The following KLRG1 variants were observed in gnomAD, a reference collection of about 807,000 sequenced individuals.
KLRG1 encodes killer cell lectin like receptor G1.
In KLRG1, 16 loss-of-function variants were observed where a neutral mutation model predicts 21.8. That is an observed-to-expected ratio of 0.73 (90% CI 0.50 to 1.11). The LOEUF (loss-of-function observed/expected upper bound fraction) is 1.11, where lower values mean the gene tolerates loss of function less well. Among genes scored for constraint, KLRG1 ranks in the 50% most tolerant of loss-of-function variants. The pLI is 0.00. For missense variants in KLRG1, 173 were observed against 218.3 expected, an observed-to-expected ratio of 0.79 and a Z score of 1.31; for synonymous variants, 69 against 75.9, an observed-to-expected ratio of 0.91 and a Z score of 0.47.
At chr12:9,017,835 G>A in the KLRG1 span, among the ~76,000 whole-genome samples, 5 of 152,196 alleles carry the variant, frequency 3.3e-5, no homozygotes, top group South Asian at 4.1e-4. Context: ...ATTCTTGTTT[G>A]TAGATGATGT....
intron 3 of KLRG1, among the ~76,000 whole-genome samples, chr12:9,003,507 A>G (rs1261426829): frequency 1.3e-5 from 2 of 151,948 alleles, no homozygotes; most frequent in African/African-American, 2.4e-5. Context: ...CCTAATTTAA[A>G]TAATTCTTTA....
the KLRG1 span, among the ~76,000 whole-genome samples, chr12:9,107,165 C>G: frequency 6.6e-6 from 1 of 152,164 alleles, no homozygotes; most frequent in Admixed American, 6.5e-5. Flanking sequence ...TGTCAACTCT[C>G]TGGCATCTTG....
the KLRG1 span, chr12:9,159,897 T>C: frequency 3.3e-6 from 5 of 1,524,262 alleles, no homozygotes; most frequent in African/African-American, 4.1e-5. Flanking sequence ...GTGCACGTTC[T>C]GAACTCATAG....
chr12:9,062,548 A>C, the KLRG1 span, among the ~76,000 whole-genome samples: 1 of 147,300 alleles, frequency 6.8e-6, no homozygotes, highest in African/African-American at 2.5e-5. Context: ...TTTATATCAG[A>C]TATATTATAC....
At chr12:9,183,198 A>C in the KLRG1 span, among the ~76,000 whole-genome samples, 1 of 152,234 alleles carries the variant, frequency 6.6e-6, no homozygotes, top group African/African-American at 2.4e-5. Flanking sequence ...AAGGCTAGCT[A>C]TCTAACACAC....
the KLRG1 span, among the ~76,000 whole-genome samples, chr12:9,057,232 T>C: frequency 2.0e-5 from 3 of 152,230 alleles, no homozygotes; most frequent in African/African-American, 7.2e-5. Context: ...CCCTTGTTGC[T>C]ACTATCTCAA....
chr12:9,010,171 G>A lies in KLRG1; in HGVS notation c.*634G>A. 1 of 519,854 alleles carries A rather than the reference G, an allele frequency of 1.9e-6. No individual in the cohort carries two copies. Among genetic ancestry groups the A allele is most frequent in the Non-Finnish European group, 3.3e-6 (1 of 300,326 alleles). 32.2% of individuals were successfully genotyped at this position (519,854 alleles called of 1,614,324 possible). On this transcript the variant is annotated 3_prime_UTR_variant, in exon 5 of 5. Coordinates refer to ENST00000356986, the MANE Select transcript of KLRG1 (RefSeq NM_005810.4). Reference sequence around the variant, plus strand: ...ACTGTACTCCAGCCTGGGAGATAGAGCAAGACTCCATCTCTAAAAAAAAAA... The same window carrying A: ...ACTGTACTCCAGCCTGGGAGATAGAACAAGACTCCATCTCTAAAAAAAAAA...
At chr12:9,179,288 T>G in the KLRG1 span, among the ~76,000 whole-genome samples, 168 of 152,336 alleles carry the variant, frequency 1.1e-3, no homozygotes, top group African/African-American at 3.8e-3. Flanking sequence ...TTTATTTTGC[T>G]GATCCACCTA....
At chr12:8,969,689 A>T (rs747451634) in intron 1 of KLRG1, among the ~76,000 whole-genome samples, 1 of 152,212 alleles carries the variant, frequency 6.6e-6, no homozygotes, top group Non-Finnish European at 1.5e-5. Flanking sequence ...AGAGAAAATG[A>T]AGCCAAAATC....
At chr12:8,989,841 T>C in intron 1 of KLRG1, 124 bp downstream of exon 1, 1 of 627,992 alleles carries the variant, frequency 1.6e-6, no homozygotes, top group South Asian at 2.0e-5. Flanking sequence ...GGAAATACTT[T>C]TGGTTCAGTT....
At chr12:8,972,094 G>A (rs1592246146) in intron 1 of KLRG1, among the ~76,000 whole-genome samples, 1 of 151,360 alleles carries the variant, frequency 6.6e-6, no homozygotes, top group East Asian at 1.9e-4. Flanking sequence ...CCAATGTCAA[G>A]AAGATTTCCC....
chr12:9,085,727 T>A, the KLRG1 span, among the ~76,000 whole-genome samples: 1 of 151,788 alleles, frequency 6.6e-6, no homozygotes, highest in African/African-American at 2.4e-5. Context: ...ATTGTTTTTT[T>A]AAAAAGACAG....
chr12:9,192,546 A>AT, the KLRG1 span: 1 of 1,614,140 alleles, frequency 6.2e-7, no homozygotes, highest in Non-Finnish European at 8.5e-7. Flanking sequence ...TAACTCTCCC[A>AT]TGGCCTGTCT....
chr12:9,150,577 A>G, the KLRG1 span: 1 of 1,059,938 alleles, frequency 9.4e-7, no homozygotes, highest in Non-Finnish European at 1.4e-6. Context: ...TAAGAAGAGG[A>G]TCAACTGTCA....
the KLRG1 span, among the ~76,000 whole-genome samples, chr12:9,042,843 A>G: frequency 6.6e-6 from 1 of 152,186 alleles, no homozygotes; most frequent in Non-Finnish European, 1.5e-5. Flanking sequence ...AAGATAACTT[A>G]AAAGGAAGAT....
At chr12:9,108,405 C>T in the KLRG1 span, among the ~76,000 whole-genome samples, 1 of 152,154 alleles carries the variant, frequency 6.6e-6, no homozygotes, top group South Asian at 2.1e-4. Flanking sequence ...GGATTACAGG[C>T]GTGAGCCACC....
At chr12:8,979,089 A>G (rs765287684) in intron 1 of KLRG1, among the ~76,000 whole-genome samples, 1 of 146,396 alleles carries the variant, frequency 6.8e-6, no homozygotes, top group African/African-American at 2.6e-5. Context: ...ATGTCAGCTC[A>G]CTGCAGCCTG....
At chr12:9,204,967 C>T in the KLRG1 span, among the ~76,000 whole-genome samples, 1 of 151,872 alleles carries the variant, frequency 6.6e-6, no homozygotes, top group African/African-American at 2.4e-5. Flanking sequence ...CCAGGTGGCA[C>T]ATGGCTGTAG....
At chr12:9,101,841 A>T in the KLRG1 span, among the ~76,000 whole-genome samples, 2 of 152,210 alleles carry the variant, frequency 1.3e-5, 1 homozygote, top group Non-Finnish European at 2.9e-5. Flanking sequence ...TCTGCTTCAA[A>T]TGTAGGCATG....
Sources: gnomAD v4.1 joint callset for allele counts (sites outside exome capture counted in the v4.1 genomes callset) on GRCh38, gnomAD v4.1.1 for gene constraint, MANE v1.5 for transcripts, NCBI Gene and HGNC (gene_info 2026-07-23, HGNC 2026-07-21) for gene names.